Variants in ARHGEF7 observed in about 807,000 individuals in gnomAD.
ARHGEF7 encodes the protein Rho guanine nucleotide exchange factor 7.
In ARHGEF7, 33 loss-of-function variants were observed where a neutral mutation model predicts 109.8. That is an observed-to-expected ratio of 0.30 (90% CI 0.23 to 0.40). The LOEUF is 0.40. Ranked by LOEUF, ARHGEF7 falls within the 10% of genes least tolerant of loss-of-function variation. The pLI, the probability that ARHGEF7 is intolerant of heterozygous loss-of-function variation, is 1.00. For synonymous variants in ARHGEF7, 458 were observed against 424.6 expected (o/e 1.08, Z -0.97); for missense variants, 938 against 1,098.5 (o/e 0.85, Z 2.07).
intron 1 of ARHGEF7, among the ~76,000 whole-genome samples, chr13:111,149,385 G>GA (rs542557022): frequency 1.4e-3 from 217 of 152,200 alleles, no homozygotes; most frequent in African/African-American, 4.7e-3. Context: ...ACTCAGTTCA[G>GA]AAAAAAATCA....
chr13:111,116,499 T>C (rs1319254870), intron 1 of ARHGEF7: 1 of 123,352 alleles, frequency 8.1e-6, no homozygotes, highest in Admixed American at 1.1e-4. Context: ...GGAGAGTTTC[T>C]AAAAACGATG....
intron 2 of ARHGEF7, among the ~76,000 whole-genome samples, chr13:111,165,735 GGC>G (rs1844644158): frequency 1.3e-5 from 2 of 152,144 alleles, no homozygotes; most frequent in African/African-American, 4.8e-5. Context: ...CTGAGTTCGT[GGC>G]ACAAGAGAGG....
chr13:111,155,374 T>C (rs1032530376), intron 2 of ARHGEF7, among the ~76,000 whole-genome samples: 4 of 152,236 alleles, frequency 2.6e-5, no homozygotes, highest in East Asian at 1.9e-4. Flanking sequence ...TAGGAATTCA[T>C]AGATTAAAGT....
intron 2 of ARHGEF7, among the ~76,000 whole-genome samples, chr13:111,177,776 A>C (rs1454080002): frequency 6.6e-6 from 1 of 152,194 alleles, no homozygotes; most frequent in African/African-American, 2.4e-5. Flanking sequence ...GCTCACGTGC[A>C]TTTTTCAACA....
chr13:111,209,847 T>C (rs2082287337), intron 3 of ARHGEF7, 25 bp from the exon 4 acceptor site: 2 of 1,610,994 alleles, frequency 1.2e-6, no homozygotes, highest in Middle Eastern at 3.3e-4. Flanking sequence ...TCAGCTCTCT[T>C]TTTCTGTGTG....
intron 1 of ARHGEF7, among the ~76,000 whole-genome samples, chr13:111,140,889 G>A (rs1215900915): frequency 2.6e-5 from 4 of 151,958 alleles, no homozygotes; most frequent in Non-Finnish European, 4.4e-5. Flanking sequence ...ATGTTGCCCC[G>A]GCTGATCTTG....
intron 8 of ARHGEF7, among the ~76,000 whole-genome samples, chr13:111,249,125 G>A (rs993692184): frequency 6.6e-6 from 1 of 152,172 alleles, no homozygotes; most frequent in Non-Finnish European, 1.5e-5. Context: ...CACACTCACC[G>A]TGGGTTTCCC....
intron 1 of ARHGEF7, among the ~76,000 whole-genome samples, chr13:111,139,857 C>G (rs1054056065): frequency 6.6e-6 from 1 of 152,150 alleles, no homozygotes. Flanking sequence ...GGCAGCTGGC[C>G]GCAGGCAGAG....
Position 111,207,529 on chromosome 13 carries a change from T to G in ARHGEF7, c.337+2156T>G, listed in dbSNP as rs975407978. Among the ~76,000 whole-genome samples, 3 of 152,254 alleles carry G rather than the reference T, an allele frequency of 2.0e-5. No homozygotes were observed. In the East Asian group the frequency reaches 5.8e-4, roughly 29 times the overall value. On this transcript the variant is annotated intron_variant, in intron 3 of 21. Transcript: ENST00000646102. ...GGCAGATGGGGCAATAGCACAGATA[T>G]GTAAAATCTACAAGTAATCCTTAAT...
At chr13:111,236,068 A>T (rs2086772893) in intron 6 of ARHGEF7, among the ~76,000 whole-genome samples, 1 of 152,224 alleles carries the variant, frequency 6.6e-6, no homozygotes, top group African/African-American at 2.4e-5. Flanking sequence ...TATAATAGTT[A>T]AGATGAACAC....
chr13:111,116,929 CTGTCCA>C (rs1311782055), intron 1 of ARHGEF7, among the ~76,000 whole-genome samples: 1 of 152,162 alleles, frequency 6.6e-6, no homozygotes, highest in Non-Finnish European at 1.5e-5. Flanking sequence ...GGCTGCCTGC[CTGTCCA>C]TGAAATAAAA....
Position 111,209,886 on chromosome 13 carries a change from A to G in ARHGEF7, c.352A>G (p.Ser118Gly), listed in dbSNP as rs1173595402. ...NKVTADIGLG[S>G]DSVCARPSSH... ...GCTCTTTGCAGACATCGGGCTGGGGAGTGACTCCGTGTGTGCCCGGCCCTC... is the reference window on the plus strand; with the variant it reads ...GCTCTTTGCAGACATCGGGCTGGGGGGTGACTCCGTGTGTGCCCGGCCCTC... Residue 118 changes from serine to glycine, a missense_variant, in exon 4 of 22, where the codon AGT becomes GGT. Around this residue, in one of 4 missense-constraint regions of ARHGEF7, gnomAD observed 585 missense variants for 723.6 expected, o/e 0.81. Transcript: ENST00000646102. 1 of 1,614,010 alleles carries G rather than the reference A, an allele frequency of 6.2e-7. No individual in the cohort carries two copies. The highest frequency in any genetic ancestry group is 1.1e-5 in the South Asian group (1 of 91,078).
chr13:111,167,015 C>T (rs902012891), intron 2 of ARHGEF7, among the ~76,000 whole-genome samples: 3 of 152,158 alleles, frequency 2.0e-5, no homozygotes, highest in Non-Finnish European at 4.4e-5. Context: ...AGTCCCAGAA[C>T]ATTTTAGGCC....
chr13:111,292,051 G>A, intron 18 of ARHGEF7, 67 bp from the exon 19 acceptor site: 1 of 1,359,738 alleles, frequency 7.4e-7, no homozygotes, highest in Non-Finnish European at 1.0e-6. Flanking sequence ...TTTGGTTGTG[G>A]CTCTTCCTGT....
At chr13:111,176,912 A>T (rs2078220520) in intron 2 of ARHGEF7, among the ~76,000 whole-genome samples, 1 of 152,060 alleles carries the variant, frequency 6.6e-6, no homozygotes. Context: ...GTGTACCACC[A>T]CGCCCCACTA....
At chr13:111,291,810 A>C (rs2093294659) in intron 18 of ARHGEF7, among the ~76,000 whole-genome samples, 1 of 152,248 alleles carries the variant, frequency 6.6e-6, no homozygotes, top group East Asian at 1.9e-4. Flanking sequence ...TTTGTAAAAG[A>C]TTTCTTAAAT....
chr13:111,186,531 A>G (rs2079273078), intron 2 of ARHGEF7, among the ~76,000 whole-genome samples: 1 of 152,182 alleles, frequency 6.6e-6, no homozygotes, highest in South Asian at 2.1e-4. Flanking sequence ...GTACTGCTGG[A>G]TTTCTGTTTT....
rs1418549727 is a variant in ARHGEF7 at position 111,273,723 on chromosome 13, A to G, written c.1074-91A>G. The stretch of plus-strand genomic sequence containing the variant: ...ATGTTAAAAGCAACACTTATGTTTC[A>G]TAAATTCTGGCTGTTGCTCATGGAG... On this transcript the variant is annotated intron_variant, in intron 9 of 21. Transcript: ENST00000646102. The surrounding 1 kb of genome is among the most constrained non-coding windows in gnomAD (Gnocchi z 4.5). The G allele has an allele frequency of 1.4e-5, 21 of 1,544,602 alleles. No individual in the cohort carries two copies. The highest frequency in any genetic ancestry group is 1.9e-5 in the Non-Finnish European group (21 of 1,124,396).
chr13:111,160,608 T>A (rs543965347), intron 2 of ARHGEF7, among the ~76,000 whole-genome samples: 1 of 152,062 alleles, frequency 6.6e-6, no homozygotes, highest in Non-Finnish European at 1.5e-5. Flanking sequence ...AGATTTGGAG[T>A]TAGAGATCAG....
Sources: allele counts gnomAD v4.1 joint callset (sites outside exome capture counted in the v4.1 genomes callset), GRCh38; gene constraint gnomAD v4.1.1; regional missense constraint gnomAD v4.1.1; non-coding constraint Gnocchi (gnomAD v3.1); transcripts MANE v1.5; gene names NCBI Gene and HGNC (gene_info 2026-07-23, HGNC 2026-07-21).